AREL1: variants seen among roughly 807,000 people sequenced by gnomAD.
AREL1 encodes apoptosis-resistant E3 ubiquitin protein ligase 1.
In AREL1, 62 loss-of-function variants were observed where a neutral mutation model predicts 99.0. The observed-to-expected ratio is 0.63, with a 90% CI of 0.51 to 0.77. The LOEUF is 0.77. Ranked by LOEUF, AREL1 falls within the 30% of genes least tolerant of loss-of-function variation. AREL1 has a pLI of 0.00. For synonymous variants in AREL1, 380 were observed against 376.5 expected, an observed-to-expected ratio of 1.01 and a Z score of -0.11; for missense variants, 879 against 1,027.6, an observed-to-expected ratio of 0.86 and a Z score of 1.98.
In AREL1 at chr14:74,663,169, G is replaced by A. The variant is rs2089124446; in HGVS notation, c.*551C>T. On this transcript the variant is annotated 3_prime_UTR_variant, in exon 20 of 20. Coordinates refer to ENST00000356357, the MANE Select transcript of AREL1 (RefSeq NM_001039479.2). The stretch of plus-strand genomic sequence containing the variant: ...GTCCTTAGAGGCAGTCCAGTGCCAT[G>A]GCCTATGCCTACCATTGTGCAGCGG... The A allele has an allele frequency of 5.8e-6, 1 of 172,668 alleles. No homozygotes were observed. The highest frequency in any genetic ancestry group is 2.4e-5 in the African/African-American group (1 of 42,344). 10.7% of individuals were successfully genotyped at this position (172,668 alleles called of 1,614,324 possible).
intron 5 of AREL1, among the ~76,000 whole-genome samples, chr14:74,680,662 T>C (rs541608320): frequency 1.3e-5 from 2 of 152,214 alleles, no homozygotes; most frequent in African/African-American, 2.4e-5. Flanking sequence ...AACAGATGAA[T>C]AGTTAAACAA....
At chr14:74,697,225 C>T (rs1247212332) in intron 1 of AREL1, among the ~76,000 whole-genome samples, 1 of 152,056 alleles carries the variant, frequency 6.6e-6, no homozygotes, top group Admixed American at 6.6e-5. Context: ...TTGGTGCATA[C>T]AGAGCTAGTG....
At chr14:74,703,562 T>C (rs780560694) in intron 1 of AREL1, among the ~76,000 whole-genome samples, 21 of 152,218 alleles carry the variant, frequency 1.4e-4, no homozygotes, top group Admixed American at 3.3e-4. Flanking sequence ...AAAAGGTACA[T>C]AGAAATACAT....
chr14:74,662,636 C>T lies in AREL1; in HGVS notation c.*1084G>A, dbSNP rs1228687358. The T allele has an allele frequency of 2.5e-6, 1 of 398,358 alleles. No homozygotes were observed. Among genetic ancestry groups the T allele is most frequent in the Non-Finnish European group, 4.4e-6 (1 of 226,054 alleles). The allele number at this position is 398,358 out of a possible 1,614,324, so 24.7% of individuals were successfully genotyped here. A position where few individuals can be genotyped will look rare whatever the true frequency, so the allele number is the denominator to read the frequency against. ...GGGTTGGCAGGTGTTTACTGTGTAA[C>T]ATATCACCTCCATGTTCATCCCTAG... is the stretch of plus-strand genomic sequence containing the variant. On this transcript the variant is annotated 3_prime_UTR_variant, in exon 20 of 20. Transcript: ENST00000356357.
intron 1 of AREL1, among the ~76,000 whole-genome samples, chr14:74,703,367 G>A (rs189067051): frequency 1.4e-4 from 21 of 152,248 alleles, no homozygotes; most frequent in Middle Eastern, 3.4e-3. Flanking sequence ...AACAGTATGA[G>A]GGAAACCACC....
rs753280566 is a variant in AREL1, at chr14:74,670,922, CA to C, written c.1499-52del. ...ATGACTCTGCCCTCCCTCCTCTTAC[CA>C]CTTTTGTTTATTGAGTCATCATTTT... On this transcript the variant is annotated intron_variant, in intron 12 of 19. Coordinates refer to ENST00000356357, the MANE Select transcript of AREL1 (RefSeq NM_001039479.2). 2.7e-6 allele frequency: 4 copies of C among 1,473,270 alleles called. No homozygotes were observed. In the South Asian group the frequency reaches 4.6e-5, roughly 17 times the overall value. The allele number at this position is 1,473,270 out of a possible 1,614,324, so 91.3% of individuals were successfully genotyped here.
At chr14:74,696,678 A>C (rs1277135911) in intron 1 of AREL1, among the ~76,000 whole-genome samples, 28 of 152,134 alleles carry the variant, frequency 1.8e-4, no homozygotes, top group Admixed American at 1.8e-3. Flanking sequence ...AAATAAAAAT[A>C]AATTGGTCAG....
rs192791439 is a variant in AREL1, at chr14:74,706,998, G to A, written c.-334+5935C>T. On this transcript the variant is annotated intron_variant, in intron 1 of 19. Transcript: ENST00000356357. Reference sequence around the variant, plus strand: ...GGGTCAATGACTCTCTTCAACACTCGTCAGAGGGGATTCTTGGACCACATA... The same window carrying A: ...GGGTCAATGACTCTCTTCAACACTCATCAGAGGGGATTCTTGGACCACATA... Among the ~76,000 whole-genome samples, 6 of 152,238 alleles carry A rather than the reference G, an allele frequency of 3.9e-5. No individual in the cohort carries two copies. The East Asian group carries it at 5.8e-4, about 15-fold the overall frequency.
Position 74,669,961 on chromosome 14 carries a change from G to A in AREL1, c.1774C>T (p.Arg592Cys), listed in dbSNP as rs1268969629. 3.7e-6 allele frequency: 6 copies of A among 1,611,140 alleles called. No individual in the cohort carries two copies. The highest frequency in any genetic ancestry group is 2.7e-5 in the African/African-American group (2 of 74,848). The change falls in exon 14 of 20, where the codon CGT becomes TGT. Residue 592 changes from arginine to cysteine, a missense_variant. Arg to Cys is a radical substitution (Grantham distance 180, BLOSUM62 -3). Coordinates refer to ENST00000356357, the MANE Select transcript of AREL1 (RefSeq NM_001039479.2). ...RSFLAQIIGLRMHYKYFETDD... is the reference protein window; with the variant it reads ...RSFLAQIIGLCMHYKYFETDD... ...CAAGATGTTACCTTGTAATGCATAC[G>A]CAGTCCTATGATTTGGGCCAGGAAA...
chr14:74,711,235 C>CAA (rs142774254), intron 1 of AREL1, among the ~76,000 whole-genome samples: 18 of 79,790 alleles, frequency 2.3e-4, no homozygotes, highest in East Asian at 4.1e-4. Flanking sequence ...AACTCCGTCT[C>CAA]AAAAAAAAAA....
At position 74,673,235 on chromosome 14, in the gene AREL1, A is replaced by T. The variant is rs753551233; in HGVS notation, c.1159-17T>A. ...GTATGAAAACTGGTAAAGAAAAACA[A>T]AGAAATTAATCTATAAAACCCTCAA... On this transcript the variant is annotated splice_polypyrimidine_tract_variant and intron_variant, in intron 9 of 19. Transcript: ENST00000356357. The T allele has an allele frequency of 2.5e-6, 4 of 1,612,678 alleles. No individual in the cohort carries two copies. Among genetic ancestry groups the T allele is most frequent in the Non-Finnish European group, 2.5e-6 (3 of 1,179,858 alleles).
intron 1 of AREL1, among the ~76,000 whole-genome samples, chr14:74,704,154 C>CT: frequency 6.6e-6 from 1 of 151,996 alleles, no homozygotes; most frequent in East Asian, 1.9e-4. Flanking sequence ...CAAATCTTTT[C>CT]TTTTTTAAAA....
intron 15 of AREL1, 144 bp from the exon 16 acceptor site, chr14:74,667,738 A>C: frequency 9.3e-7 from 1 of 1,073,526 alleles, no homozygotes; most frequent in Non-Finnish European, 1.3e-6. Flanking sequence ...TCAGCTTTTC[A>C]ACACACTTGG....
intron 5 of AREL1, 74 bp downstream of exon 5, chr14:74,683,222 T>C: frequency 9.2e-7 from 1 of 1,085,226 alleles, no homozygotes; most frequent in Non-Finnish European, 1.3e-6. Context: ...GTATTATTTT[T>C]AAAAAGGAAA....
In AREL1 at chr14:74,712,647, T is replaced by C. The variant is rs138360752; in HGVS notation, c.-334+286A>G. On this transcript the variant is annotated intron_variant, in intron 1 of 19. Coordinates refer to ENST00000356357, the MANE Select transcript of AREL1 (RefSeq NM_001039479.2). ...GTCTAGGCCCTCAAACACTGCTTCA[T>C]TTCTCTCTTCACCGAGAGGAGTACA... is the stretch of plus-strand genomic sequence containing the variant. 8.0e-3 allele frequency among the ~76,000 whole-genome samples: 1,219 copies of C among 152,100 alleles called. 7 individuals are homozygous for C. Among genetic ancestry groups the C allele is most frequent in the Non-Finnish European group, 0.012 (823 of 67,982 alleles).
At chr14:74,668,193 A>T (rs2089250672) in intron 15 of AREL1, among the ~76,000 whole-genome samples, 1 of 152,206 alleles carries the variant, frequency 6.6e-6, no homozygotes, top group African/African-American at 2.4e-5. Context: ...CTCTCTGCAA[A>T]GAAAAAGGTG....
intron 1 of AREL1, among the ~76,000 whole-genome samples, chr14:74,703,350 C>T (rs562287513): frequency 1.3e-5 from 2 of 152,134 alleles, no homozygotes; most frequent in Non-Finnish European, 1.5e-5. Context: ...TTATTCACTA[C>T]CATGAGAACA....
intron 13 of AREL1, among the ~76,000 whole-genome samples, chr14:74,670,455 C>G (rs780767827): frequency 8.5e-5 from 13 of 152,074 alleles, no homozygotes; most frequent in Non-Finnish European, 1.6e-4. Context: ...AGATCTAGTA[C>G]AGGAATCATT....
At chr14:74,698,804 G>A in intron 1 of AREL1, 1 of 262,490 alleles carries the variant, frequency 3.8e-6, no homozygotes, top group Non-Finnish European at 8.3e-6. Flanking sequence ...TGGGAGGATG[G>A]CTTGCGCCCA....
Sources: allele counts gnomAD v4.1 joint callset (sites outside exome capture counted in the v4.1 genomes callset), GRCh38; gene constraint gnomAD v4.1.1; transcripts MANE v1.5; gene names NCBI Gene and HGNC (gene_info 2026-07-23, HGNC 2026-07-21).